Variants in THSD7A observed in about 807,000 individuals in gnomAD.
THSD7A encodes thrombospondin type-1 domain-containing protein 7A.
Under a neutral mutation model 231.3 loss-of-function variants are expected in THSD7A, and 96 were observed. That is an observed-to-expected ratio of 0.41 (90% CI 0.35 to 0.49). THSD7A has a LOEUF of 0.49. Among genes scored for constraint, THSD7A ranks in the 20% least tolerant of loss-of-function variants. The pLI is 0.05. For synonymous variants in THSD7A, 940 were observed against 743.3 expected, an observed-to-expected ratio of 1.26 and a Z score of -4.30; for missense variants, 2,290 against 2,070.2, an observed-to-expected ratio of 1.11 and a Z score of -2.06.
intron 13 of THSD7A, among the ~76,000 whole-genome samples, chr7:11,437,933 T>C (rs1583740679): frequency 6.6e-6 from 1 of 152,192 alleles, no homozygotes; most frequent in South Asian, 2.1e-4. Flanking sequence ...ATATTACAAC[T>C]TAAAAGCACA....
intron 23 of THSD7A, among the ~76,000 whole-genome samples, chr7:11,395,818 G>C (rs956539065): frequency 3.9e-5 from 6 of 152,000 alleles, no homozygotes; most frequent in Non-Finnish European, 8.8e-5. Context: ...GAGCCACCGT[G>C]CCCGGCCCAG....
At chr7:11,771,824 G>T (rs1783240111) in intron 1 of THSD7A, among the ~76,000 whole-genome samples, 1 of 152,168 alleles carries the variant, frequency 6.6e-6, no homozygotes, top group South Asian at 2.1e-4. Flanking sequence ...GAATGGTTTA[G>T]CACCATCTCC....
In THSD7A at chr7:11,373,194, A is replaced by C. The variant is rs1388010889; in HGVS notation, c.*2600T>G. On this transcript the variant is annotated 3_prime_UTR_variant, in exon 28 of 28. Transcript: ENST00000423059. Reference sequence around the variant, plus strand: ...TAATTTAATTCTTATAGGTAGGATGATACTAATCTTTTCTGAATTAATGAC... The same window carrying C: ...TAATTTAATTCTTATAGGTAGGATGCTACTAATCTTTTCTGAATTAATGAC... 2.0e-5 allele frequency: 3 copies of C among 152,162 alleles called. No individual in the cohort carries two copies. In the East Asian group the frequency reaches 5.8e-4, roughly 29 times the overall value. 9.4% of individuals were successfully genotyped at this position (152,162 alleles called of 1,614,324 possible). A position where few individuals can be genotyped will look rare whatever the true frequency, so the allele number is the denominator to read the frequency against.
chr7:11,806,942 A>T (rs1784414544), intron 1 of THSD7A, among the ~76,000 whole-genome samples: 2 of 152,106 alleles, frequency 1.3e-5, no homozygotes, highest in South Asian at 4.1e-4. Context: ...TGCACAAAAT[A>T]CTGAAGGCAG....
chr7:11,451,148 T>C (rs1248410614), intron 11 of THSD7A, among the ~76,000 whole-genome samples: 1 of 152,020 alleles, frequency 6.6e-6, no homozygotes, highest in East Asian at 1.9e-4. Context: ...AAGAGAAGTT[T>C]CTTCAACAAA....
intron 4 of THSD7A, among the ~76,000 whole-genome samples, chr7:11,555,409 T>C (rs62434470): frequency 0.017 from 2,513 of 152,114 alleles, 35 homozygotes; most frequent in South Asian, 0.024. Context: ...GATTGAATTC[T>C]AATTTGATTC....
intron 2 of THSD7A, among the ~76,000 whole-genome samples, chr7:11,618,141 T>C (rs1472921240): frequency 6.6e-6 from 1 of 152,190 alleles, no homozygotes; most frequent in African/African-American, 2.4e-5. Context: ...ATGTGGCTAT[T>C]TATTGTGGGC....
At chr7:11,376,167 A>G (rs566250781) in intron 27 of THSD7A, among the ~76,000 whole-genome samples, 1 of 152,148 alleles carries the variant, frequency 6.6e-6, no homozygotes, top group East Asian at 1.9e-4. Context: ...TAGTAGGGTC[A>G]TTTTCATTTG....
chr7:11,651,559 G>T (rs1012195562), intron 1 of THSD7A, among the ~76,000 whole-genome samples: 1 of 151,146 alleles, frequency 6.6e-6, no homozygotes, highest in African/African-American at 2.4e-5. Context: ...CCCTTTTTTA[G>T]TCATGTATAT....
chr7:11,436,959 G>T (rs1384792343), intron 13 of THSD7A, among the ~76,000 whole-genome samples: 1 of 151,950 alleles, frequency 6.6e-6, no homozygotes, highest in Non-Finnish European at 1.5e-5. Flanking sequence ...TTCCTATAGT[G>T]GCAGAAATTG....
rs1784442966 is a variant in THSD7A at position 11,430,351 on chromosome 7, AC to A, written c.3065-1227del. On this transcript the variant is annotated intron_variant, in intron 13 of 27. Coordinates refer to ENST00000423059, the MANE Select transcript of THSD7A (RefSeq NM_015204.3). ...ATAAACCCTATGGTTACTGGCAGCC[AC>A]TTCCTACTTTCCCCTTCCTCATCCC... Among the ~76,000 whole-genome samples the A allele has an allele frequency of 2.0e-5, 3 of 152,180 alleles. No homozygotes were observed. In the South Asian group the frequency reaches 6.2e-4, roughly 32 times the overall value.
intron 1 of THSD7A, among the ~76,000 whole-genome samples, chr7:11,661,594 T>C (rs74497186): frequency 0.013 from 1,959 of 150,494 alleles, 42 homozygotes; most frequent in African/African-American, 0.044. Flanking sequence ...ACCAAAAGAA[T>C]TGGAGGAATA....
chr7:11,817,399 G>A (rs1199655612), intron 1 of THSD7A, among the ~76,000 whole-genome samples: 1 of 152,122 alleles, frequency 6.6e-6, no homozygotes, highest in Non-Finnish European at 1.5e-5. Flanking sequence ...AAAACACTGG[G>A]GCAGAATGTC....
intron 6 of THSD7A, among the ~76,000 whole-genome samples, chr7:11,531,488 C>G (rs1299326410): frequency 6.6e-6 from 1 of 152,196 alleles, no homozygotes; most frequent in African/African-American, 2.4e-5. Context: ...TCATTCTACT[C>G]CAACCACACT....
rs117515422 is a variant in THSD7A, at chr7:11,489,566, G to C, written c.1823-7584C>G. Among the ~76,000 whole-genome samples, 18 of 152,138 alleles carry C rather than the reference G, an allele frequency of 1.2e-4. No individual in the cohort carries two copies. The East Asian group carries it at 3.3e-3, about 28-fold the overall frequency. On this transcript the variant is annotated intron_variant, in intron 6 of 27. Transcript: ENST00000423059. ...GTGCTCTGAGCTCCCAGTCTCTGTA[G>C]GAGGGCAGGTACCTAACTTCTATAG...
intron 4 of THSD7A, among the ~76,000 whole-genome samples, chr7:11,554,164 C>T (rs993692106): frequency 1.3e-5 from 2 of 152,012 alleles, no homozygotes; most frequent in East Asian, 1.9e-4. Context: ...TAATGTCTAC[C>T]AGAATCTCAG....
At chr7:11,426,480 C>T (rs1784325164) in intron 15 of THSD7A, among the ~76,000 whole-genome samples, 186 bp downstream of exon 15, 1 of 152,014 alleles carries the variant, frequency 6.6e-6, no homozygotes, top group Admixed American at 6.6e-5. Flanking sequence ...AATGTAGGAA[C>T]ACAGGTAACT....
chr7:11,680,694 G>A (rs1423090433), intron 1 of THSD7A, among the ~76,000 whole-genome samples: 1 of 152,024 alleles, frequency 6.6e-6, no homozygotes, highest in East Asian at 1.9e-4. Flanking sequence ...TCAAAATTCA[G>A]GAAATAACAG....
rs117699702 is a variant in THSD7A, at chr7:11,686,287, C to T, written c.191-49326G>A. ...TCAATAGAATCCCAAACCTCCTGCA[C>T]CACATAATATACCCCTGTAATAAAC... is the stretch of plus-strand genomic sequence containing the variant. On this transcript the variant is annotated intron_variant, in intron 1 of 27. Transcript: ENST00000423059. 3.7e-4 allele frequency among the ~76,000 whole-genome samples: 56 copies of T among 151,872 alleles called. No homozygotes were observed. In the East Asian group the frequency reaches 0.011, roughly 29 times the overall value.
Sources: gnomAD v4.1 joint callset for allele counts (sites outside exome capture counted in the v4.1 genomes callset) on GRCh38, gnomAD v4.1.1 for gene constraint, MANE v1.5 for transcripts, NCBI Gene and HGNC (gene_info 2026-07-23, HGNC 2026-07-21) for gene names.